Variants in TP53BP1 observed in about 807,000 individuals in gnomAD.
TP53BP1 encodes tumor protein p53 binding protein 1.
TP53BP1 carries 61 observed loss-of-function variants against 200.8 expected under a neutral mutation model. The ratio of observed to expected loss-of-function variants is 0.30; its 90% CI spans 0.25 to 0.38. The LOEUF (loss-of-function observed/expected upper bound fraction) is 0.38. TP53BP1 is among the 10% of genes least tolerant of loss of function. The pLI is 1.00. For synonymous variants in TP53BP1, 822 were observed against 844.3 expected, an observed-to-expected ratio of 0.97 and a Z score of 0.46; for missense variants, 2,144 against 2,371.9, an observed-to-expected ratio of 0.90 and a Z score of 2.00.
chr15:43,506,618 A>G (rs775640136), intron 1 of TP53BP1, among the ~76,000 whole-genome samples: 3 of 152,164 alleles, frequency 2.0e-5, no homozygotes, highest in Non-Finnish European at 4.4e-5. Context: ...ATATCTGCCA[A>G]TTTTGCTTGA....
chr15:43,450,773 A>T (rs940346031), intron 12 of TP53BP1, among the ~76,000 whole-genome samples: 3 of 151,032 alleles, frequency 2.0e-5, no homozygotes, highest in Admixed American at 6.6e-5. Flanking sequence ...CTCTGTACTC[A>T]CTCTCTCTTT....
At chr15:43,483,883 G>A (rs140805172) in intron 4 of TP53BP1, among the ~76,000 whole-genome samples, 7 of 152,092 alleles carry the variant, frequency 4.6e-5, no homozygotes, top group African/African-American at 1.4e-4. Context: ...GGTAGGCTCC[G>A]TGAGTCCTTG....
chr15:43,440,552 C>G (rs559453574), intron 15 of TP53BP1, among the ~76,000 whole-genome samples: 108 of 151,552 alleles, frequency 7.1e-4, no homozygotes, highest in Admixed American at 1.1e-3. Context: ...TGTCTTGTAC[C>G]TAGCCACTTT....
intron 16 of TP53BP1, among the ~76,000 whole-genome samples, chr15:43,435,051 A>G (rs1025150134): frequency 2.6e-5 from 4 of 152,112 alleles, no homozygotes; most frequent in African/African-American, 9.7e-5. Context: ...ACCTGAGGTG[A>G]GGAGTTCGAG....
intron 4 of TP53BP1, among the ~76,000 whole-genome samples, chr15:43,483,792 C>T (rs1027083038): frequency 2.6e-5 from 4 of 152,154 alleles, no homozygotes; most frequent in East Asian, 3.8e-4. Context: ...CAATGAAGGA[C>T]GACAGCACAA....
At chr15:43,411,027 C>G (rs1017883102) in intron 24 of TP53BP1, among the ~76,000 whole-genome samples, 2 of 152,214 alleles carry the variant, frequency 1.3e-5, no homozygotes, top group Non-Finnish European at 2.9e-5. Context: ...TCACAATCTT[C>G]AGCACCAAGA....
chr15:43,507,299 T>C (rs900983200), intron 1 of TP53BP1, among the ~76,000 whole-genome samples: 2 of 152,180 alleles, frequency 1.3e-5, no homozygotes, highest in East Asian at 3.8e-4. Context: ...CACGCCCAGC[T>C]AATTTTTGCA....
rs2078930320 is a variant in TP53BP1, at chr15:43,479,429, A to T, written c.756T>A (p.His252Gln). Residue 252 changes from histidine to glutamine, a missense_variant, in exon 7 of 28, where the codon CAT becomes CAA. Around this residue, in one of 4 missense-constraint regions of TP53BP1, gnomAD observed 1,700 missense variants for 1,710.3 expected, o/e 0.99. Coordinates refer to ENST00000382044, the MANE Select transcript of TP53BP1 (RefSeq NM_001141980.3). ...PVTAQPSKDV[H>Q]VVKEQNPPPA... ...GTGGTGGATTTTGCTCTTTTACAAC[A>T]TGTACATCCTTACTGGGCTGTGCTG... The T allele has an allele frequency of 6.2e-7, 1 of 1,610,296 alleles. No individual in the cohort carries two copies. Among genetic ancestry groups the T allele is most frequent in the African/African-American group, 1.3e-5 (1 of 74,842 alleles).
intron 18 of TP53BP1, among the ~76,000 whole-genome samples, chr15:43,425,928 G>A (rs577434068): frequency 4.0e-5 from 6 of 151,586 alleles, no homozygotes; most frequent in Non-Finnish European, 4.4e-5. Context: ...AGCCGGGCGC[G>A]GTGGCGGGCA....
chr15:43,406,366 CTT>C lies in TP53BP1; in HGVS notation c.*1015_*1016del. The C allele has an allele frequency of 3.1e-6, 1 of 317,482 alleles. No homozygotes were observed. The highest frequency in any genetic ancestry group is 2.8e-5 in the South Asian group (1 of 36,164). 19.7% of individuals were successfully genotyped at this position (317,482 alleles called of 1,614,324 possible). On this transcript the variant is annotated 3_prime_UTR_variant, in exon 28 of 28. Coordinates refer to ENST00000382044, the MANE Select transcript of TP53BP1 (RefSeq NM_001141980.3). ...TACACACACTGGGAAGCTCTGACAA[CTT>C]ATTCCCTGCTATTATCAACTAAAGA...
At chr15:43,483,232 G>GC in intron 4 of TP53BP1, among the ~76,000 whole-genome samples, 1 of 56,244 alleles carries the variant, frequency 1.8e-5, no homozygotes. Flanking sequence ...AAAAAGTACA[G>GC]AACACACACA....
At chr15:43,452,586 A>G (rs2046196829) in intron 12 of TP53BP1, among the ~76,000 whole-genome samples, 1 of 151,922 alleles carries the variant, frequency 6.6e-6, no homozygotes, top group Non-Finnish European at 1.5e-5. Flanking sequence ...AAAAAAGACA[A>G]AAAGCTATTA....
At chr15:43,441,047 C>T (rs890436235) in intron 15 of TP53BP1, among the ~76,000 whole-genome samples, 7 of 152,196 alleles carry the variant, frequency 4.6e-5, no homozygotes, top group South Asian at 2.1e-4. Flanking sequence ...GGGTCATACT[C>T]GTCCTCAAAG....
intron 1 of TP53BP1, among the ~76,000 whole-genome samples, chr15:43,505,534 T>C (rs1244236826): frequency 6.6e-6 from 1 of 152,178 alleles, no homozygotes; most frequent in Non-Finnish European, 1.5e-5. Context: ...TAAAAGAATG[T>C]GGGAAGTGAG....
chr15:43,477,569 G>A (rs1249948597), intron 8 of TP53BP1, 24 bp downstream of exon 8: 4 of 1,586,650 alleles, frequency 2.5e-6, no homozygotes, highest in Non-Finnish European at 3.4e-6. Flanking sequence ...GAGAAGAGCT[G>A]TAACGACAAA....
chr15:43,482,094 T>C (rs2078978876), intron 4 of TP53BP1, among the ~76,000 whole-genome samples: 1 of 151,412 alleles, frequency 6.6e-6, no homozygotes, highest in Non-Finnish European at 1.5e-5. Context: ...CTGGGCGTGG[T>C]GGCAGGTGCC....
chr15:43,479,730 C>A, intron 6 of TP53BP1, 129 bp downstream of exon 6: 1 of 1,293,018 alleles, frequency 7.7e-7, no homozygotes, highest in South Asian at 1.5e-5. Context: ...CCAGAAAACT[C>A]TTCAACCTTA....
chr15:43,493,064 G>C lies in TP53BP1; in HGVS notation c.-21C>G. Reference sequence around the variant, plus strand: ...GGCATCCCGGCGGGAGGTCCCTCGCGCTCGAGCTAGAGGTCTCTGCACGCT... The same window carrying C: ...GGCATCCCGGCGGGAGGTCCCTCGCCCTCGAGCTAGAGGTCTCTGCACGCT... On this transcript the variant is annotated 5_prime_UTR_variant, in exon 1 of 28. Coordinates refer to ENST00000382044, the MANE Select transcript of TP53BP1 (RefSeq NM_001141980.3). 1 of 1,612,696 alleles carries C rather than the reference G, an allele frequency of 6.2e-7. No individual in the cohort carries two copies. Among genetic ancestry groups the C allele is most frequent in the Middle Eastern group, 1.7e-4 (1 of 6,058 alleles).
At position 43,421,537 on chromosome 15, in the gene TP53BP1, C is replaced by T; in HGVS notation, c.4100+318G>A. The T allele has an allele frequency of 8.3e-6, 4 of 483,486 alleles. No individual in the cohort carries two copies. In the South Asian group the frequency reaches 1.2e-4, roughly 14 times the overall value. 29.9% of individuals were successfully genotyped at this position (483,486 alleles called of 1,614,324 possible). A position where few individuals can be genotyped will look rare whatever the true frequency, so the allele number is the denominator to read the frequency against. On this transcript the variant is annotated intron_variant, in intron 19 of 27. Coordinates refer to ENST00000382044, the MANE Select transcript of TP53BP1 (RefSeq NM_001141980.3). ...AAGTTTGGGCTACTATCCCAAACTT[C>T]CTGTACTCCCAACTAAATCATATAA...
Sources: gnomAD v4.1 joint callset for allele counts (sites outside exome capture counted in the v4.1 genomes callset) on GRCh38, gnomAD v4.1.1 for gene constraint, gnomAD v4.1.1 regional missense constraint, MANE v1.5 for transcripts, NCBI Gene and HGNC (gene_info 2026-07-23, HGNC 2026-07-21) for gene names.